The following RBBP6 variants were observed in gnomAD, a reference collection of about 807,000 sequenced individuals.
The protein encoded by RBBP6 is RB binding protein 6, ubiquitin ligase.
Under a neutral mutation model 167.7 loss-of-function variants are expected in RBBP6, and 25 were observed. The observed-to-expected ratio is 0.15, with a 90% confidence interval of 0.11 to 0.21. RBBP6 has a LOEUF of 0.21. Ranked by LOEUF, RBBP6 falls within the 10% of genes least tolerant of loss-of-function variation. The pLI is 1.00. For synonymous variants in RBBP6, 789 were observed against 735.8 expected, an observed-to-expected ratio of 1.07 and a Z score of -1.17; for missense variants, 1,868 against 2,134.2, an observed-to-expected ratio of 0.88 and a Z score of 2.46.
rs1211421275 is a variant in RBBP6 at position 24,564,814 on chromosome 16, A to G, written c.1538A>G (p.Tyr513Cys). The G allele has an allele frequency of 6.8e-6, 11 of 1,612,632 alleles. No individual in the cohort carries two copies. Among genetic ancestry groups the G allele is most frequent in the Non-Finnish European group, 9.3e-6 (11 of 1,179,152 alleles). Residue 513 changes from tyrosine (Y) to cysteine (C), a missense_variant, in exon 14 of 18, where the codon TAT becomes TGT. Physicochemically the swap from Tyr to Cys is radical, Grantham distance 194. Transcript: ENST00000319715. ...PGWEHSNKLG[Y>C]LVSPPQQIRR... The stretch of plus-strand genomic sequence containing the variant: ...CCACACAGTTCCAACAAACTTGGCT[A>G]TCTGGTTTCTCCACCACAACAAATT...
chr16:24,567,550 T>C (rs1899224884), intron 15 of RBBP6, 45 bp downstream of exon 15: 2 of 1,534,446 alleles, frequency 1.3e-6, no homozygotes, highest in African/African-American at 1.4e-5. Context: ...TTTCATTTTC[T>C]GATAATAACA....
At chr16:24,542,949 A>G (rs1420450382) in intron 1 of RBBP6, among the ~76,000 whole-genome samples, 1 of 152,116 alleles carries the variant, frequency 6.6e-6, no homozygotes, top group Non-Finnish European at 1.5e-5. Flanking sequence ...TATTGGAGAA[A>G]GCTTTGATGT....
intron 14 of RBBP6, among the ~76,000 whole-genome samples, chr16:24,566,564 A>C (rs1431001917): frequency 6.6e-6 from 1 of 152,140 alleles, no homozygotes; most frequent in Non-Finnish European, 1.5e-5. Context: ...AACATGGTGA[A>C]ACCCTGTCTC....
At chr16:24,562,182 C>G (rs1899077560) in intron 10 of RBBP6, 21 bp downstream of exon 10, 1 of 1,556,550 alleles carries the variant, frequency 6.4e-7, no homozygotes, top group Non-Finnish European at 8.8e-7. Context: ...GTGTTTTTCA[C>G]TGTTAGAAAC....
intron 13 of RBBP6, 55 bp from the exon 14 acceptor site, chr16:24,564,742 C>A: frequency 1.3e-6 from 2 of 1,579,134 alleles, no homozygotes; most frequent in South Asian, 1.2e-5. Context: ...ATGGAAAGGT[C>A]ATGTATTATA....
chr16:24,562,086 C>T lies in RBBP6; in HGVS notation c.1214C>T (p.Ala405Val), dbSNP rs767001764. 17 of 1,613,434 alleles carry T rather than the reference C, an allele frequency of 1.1e-5. No homozygotes were observed. The highest frequency in any genetic ancestry group is 1.4e-5 in the Non-Finnish European group (16 of 1,179,482). The change falls in exon 10 of 18, where the codon GCT becomes GTT. Residue 405 changes from alanine (A) to valine (V), a missense_variant. By Grantham distance (64) the Ala-to-Val change is moderately conservative (BLOSUM62 0). Transcript: ENST00000319715. ...APPVSGNPSS[A>V]PAPVPDITAT... The stretch of plus-strand genomic sequence containing the variant: ...CCTGTGTCTGGAAATCCGTCTTCTG[C>T]TCCAGCTCCTGTACCTGATATAACT...
chr16:24,567,241 C>G lies in RBBP6; in HGVS notation c.1688C>G (p.Pro563Arg), dbSNP rs761317278. 6.2e-7 allele frequency: 1 copy of G among 1,614,154 alleles called. No individual in the cohort carries two copies. Among genetic ancestry groups the G allele is most frequent in the Non-Finnish European group, 8.5e-7 (1 of 1,180,004 alleles). Residue 563 changes from proline (P) to arginine (R), a missense_variant, in exon 15 of 18, where the codon CCT becomes CGT. Around this residue, in one of 7 missense-constraint regions of RBBP6, gnomAD observed 145 missense variants for 224.3 expected, o/e 0.65. Coordinates refer to ENST00000319715, the MANE Select transcript of RBBP6 (RefSeq NM_006910.5). ...GTCTTTGTACCTGTTCCACCACCTC[C>G]TTTGTATCCGCCTCCTCCCCATACA... ...TPVFVPVPPP[P>R]LYPPPPHTLP... is the part of the protein sequence containing the mutation.
Position 24,556,246 on chromosome 16 carries a change from T to C in RBBP6, c.535-62T>C. On this transcript the variant is annotated intron_variant, in intron 6 of 17. Transcript: ENST00000319715. ...GTAAGCACTGTATAACATTAGCTAATTTATTAAATAAAGATAACTGCTTTT... is the reference window on the plus strand; with the variant it reads ...GTAAGCACTGTATAACATTAGCTAACTTATTAAATAAAGATAACTGCTTTT... 2.2e-6 allele frequency: 3 copies of C among 1,351,124 alleles called. No homozygotes were observed. In the South Asian group the frequency reaches 3.8e-5, roughly 17 times the overall value. 83.7% of individuals were successfully genotyped at this position (1,351,124 alleles called of 1,614,324 possible).
chr16:24,546,029 A>C (rs1898642857), intron 1 of RBBP6, 134 bp from the exon 2 acceptor site: 3 of 1,325,956 alleles, frequency 2.3e-6, no homozygotes, highest in Non-Finnish European at 2.9e-6. Context: ...CAATATCAGT[A>C]ATCTAGTTGC....
In RBBP6 at chr16:24,553,765, T is replaced by G. The variant is rs543747465; in HGVS notation, c.348+208T>G. ...TCAGCGTATTGGAGTATTGTTCATCTTCAAGACAGAAGAAACACTTGAAGC... is the reference window on the plus strand; with the variant it reads ...TCAGCGTATTGGAGTATTGTTCATCGTCAAGACAGAAGAAACACTTGAAGC... On this transcript the variant is annotated intron_variant, in intron 4 of 17. Coordinates refer to ENST00000319715, the MANE Select transcript of RBBP6 (RefSeq NM_006910.5). The G allele has an allele frequency of 3.5e-5, 12 of 344,700 alleles. No homozygotes were observed. The East Asian group carries it at 5.3e-4, about 15-fold the overall frequency. The allele number at this position is 344,700 out of a possible 1,614,324, so 21.4% of individuals were successfully genotyped here. A position where few individuals can be genotyped will look rare whatever the true frequency, so the allele number is the denominator to read the frequency against.
In RBBP6 at chr16:24,558,631, C is replaced by T. The variant is rs530989364; in HGVS notation, c.675-874C>T. On this transcript the variant is annotated intron_variant, in intron 7 of 17. Transcript: ENST00000319715. ...AATAGAAAGGGTTTCTCTAGGGATT[C>T]CTGTGTTTTGCAAATTTGCCTGATT... is the stretch of plus-strand genomic sequence containing the variant. The T allele has an allele frequency of 9.7e-4, 572 of 588,530 alleles. 2 individuals carry two copies. Among genetic ancestry groups the T allele is most frequent in the Non-Finnish European group, 1.2e-3 (560 of 467,434 alleles). The allele number at this position is 588,530 out of a possible 1,614,324, so 36.5% of individuals were successfully genotyped here.
At chr16:24,549,147 A>G in intron 3 of RBBP6, 166 bp downstream of exon 3, 1 of 1,465,672 alleles carries the variant, frequency 6.8e-7, no homozygotes, top group East Asian at 2.5e-5. Context: ...AATATGTGGC[A>G]TCACTTGCAC....
At chr16:24,570,567 C>A (rs1899301910) in intron 17 of RBBP6, 68 bp downstream of exon 17, 3 of 1,349,404 alleles carry the variant, frequency 2.2e-6, no homozygotes, top group East Asian at 4.8e-5. Context: ...TTTATCCATG[C>A]TTGTGCTTTT....
chr16:24,561,251 GT>G (rs1264568046), intron 8 of RBBP6, among the ~76,000 whole-genome samples: 1 of 149,648 alleles, frequency 6.7e-6, no homozygotes, highest in Non-Finnish European at 1.5e-5. Flanking sequence ...TCAGACATTT[GT>G]TTAAAAAAAA....
chr16:24,567,411 G>C lies in RBBP6; in HGVS notation c.1858G>C (p.Val620Leu), dbSNP rs1899221568. ...NLSTPWVSSG[V>L]QTAHSNTIPT... ...ATCAACACCTTGGGTATCATCAGGAGTGCAGACAGCTCATTCAAATACCAT... is the reference window on the plus strand; with the variant it reads ...ATCAACACCTTGGGTATCATCAGGACTGCAGACAGCTCATTCAAATACCAT... The change falls in exon 15 of 18, where the codon GTG (valine) becomes CTG (leucine). Residue 620 changes from valine to leucine, a missense_variant. Coordinates refer to ENST00000319715, the MANE Select transcript of RBBP6 (RefSeq NM_006910.5). The C allele has an allele frequency of 1.9e-6, 3 of 1,614,170 alleles. No individual in the cohort carries two copies. Among genetic ancestry groups the C allele is most frequent in the Non-Finnish European group, 2.5e-6 (3 of 1,180,030 alleles).
At position 24,540,577 on chromosome 16, in the gene RBBP6, A is replaced by G. The variant is rs1351210582; in HGVS notation, c.-50A>G. On this transcript the variant is annotated 5_prime_UTR_variant, in exon 1 of 18. In the 5' UTR this introduces an upstream ATG that the reference lacks. Coordinates refer to ENST00000319715, the MANE Select transcript of RBBP6 (RefSeq NM_006910.5). ...TCTTAAAGTTTATAAATATACGTAT[A>G]TTGAGAGTGTCCACGTCTCCTCGCT... 7.8e-6 allele frequency: 12 copies of G among 1,531,726 alleles called. No individual in the cohort carries two copies. The highest frequency in any genetic ancestry group is 1.1e-5 in the Non-Finnish European group (12 of 1,120,510). 94.9% of individuals were successfully genotyped at this position (1,531,726 alleles called of 1,614,324 possible).
chr16:24,560,039 T>C (rs1352251593), intron 8 of RBBP6, among the ~76,000 whole-genome samples: 3 of 152,166 alleles, frequency 2.0e-5, no homozygotes, highest in Non-Finnish European at 4.4e-5. Flanking sequence ...TCTAAATCTT[T>C]TTCCTGGATT....
rs756200208 is a variant in RBBP6 at position 24,562,012 on chromosome 16, A to C, written c.1140A>C (p.Pro380=). 8.1e-6 allele frequency: 13 copies of C among 1,613,452 alleles called. No individual in the cohort carries two copies. The East Asian group carries it at 1.1e-4, about 14-fold the overall frequency. Residue 380 remains proline, a synonymous_variant, in exon 10 of 18, where the codon CCA becomes CCC. Coordinates refer to ENST00000319715, the MANE Select transcript of RBBP6 (RefSeq NM_006910.5). The stretch of plus-strand genomic sequence containing the variant: ...CAGTGACATCTTCATCAACTCACCC[A>C]GCTCCGTCTATATCTTCATTAACTT... ...MIPVTSSSTH[P]APSISSLTSN...
At position 24,567,843 on chromosome 16, in the gene RBBP6, A is replaced by G; in HGVS notation, c.2004A>G (p.Glu668=). ...AGTTTACAAATGATTTTGCTAAGGAATTGATGGAATACAAAAAGATTCAAA... is the reference window on the plus strand; with the variant it reads ...AGTTTACAAATGATTTTGCTAAGGAGTTGATGGAATACAAAAAGATTCAAA... ...LDEFTNDFAK[E]LMEYKKIQKE... is the part of the protein sequence containing the mutation. The change falls in exon 16 of 18, where the codon GAA becomes GAG. Residue 668 remains glutamate (E), a synonymous_variant. Coordinates refer to ENST00000319715, the MANE Select transcript of RBBP6 (RefSeq NM_006910.5). 6.2e-7 allele frequency: 1 copy of G among 1,613,874 alleles called. No homozygotes were observed. Among genetic ancestry groups the G allele is most frequent in the Non-Finnish European group, 8.5e-7 (1 of 1,179,852 alleles).
Sources: allele counts gnomAD v4.1 joint callset (sites outside exome capture counted in the v4.1 genomes callset), GRCh38; gene constraint gnomAD v4.1.1; regional missense constraint gnomAD v4.1.1; transcripts MANE v1.5; gene names NCBI Gene and HGNC (gene_info 2026-07-23, HGNC 2026-07-21).